Variants in INPP4A observed in about 807,000 individuals in gnomAD.
The protein encoded by INPP4A is inositol polyphosphate-4-phosphatase type I A.
In INPP4A, 33 loss-of-function variants were observed where a neutral mutation model predicts 119.8. That is an observed-to-expected ratio of 0.28 (90% CI 0.21 to 0.37). The LOEUF (loss-of-function observed/expected upper bound fraction) is 0.37, where lower values mean the gene tolerates loss of function less well. INPP4A is among the 10% of genes least tolerant of loss of function. The pLI, the probability that INPP4A is intolerant of heterozygous loss-of-function variation, is 1.00. For missense variants in INPP4A, 956 were observed against 1,289.9 expected (o/e 0.74, Z 3.97); for synonymous variants, 496 against 500.7 (o/e 0.99, Z 0.12).
At chr2:98,474,913 TTAAAGA>T (rs1388321657) in intron 1 of INPP4A, among the ~76,000 whole-genome samples, 1 of 152,134 alleles carries the variant, frequency 6.6e-6, no homozygotes, top group Non-Finnish European at 1.5e-5. Context: ...CTCAGCTTTG[TTAAAGA>T]TGAAGAGTTA....
At chr2:98,523,439 G>A (rs1687612743) in intron 4 of INPP4A, among the ~76,000 whole-genome samples, 2 of 151,308 alleles carry the variant, frequency 1.3e-5, no homozygotes, top group Non-Finnish European at 2.9e-5. Flanking sequence ...CTGTCTCCCG[G>A]GGTGGAGTGC....
chr2:98,561,813 A>G (rs1481518508), intron 17 of INPP4A, among the ~76,000 whole-genome samples: 1 of 152,268 alleles, frequency 6.6e-6, no homozygotes, highest in Non-Finnish European at 1.5e-5. Flanking sequence ...TTAGAGAAGG[A>G]TAGTCTTAAA....
rs974660586 is a variant in INPP4A at position 98,591,243 on chromosome 2, C to T, written c.*3635C>T. The T allele has an allele frequency of 1.7e-5, 3 of 171,560 alleles. No homozygotes were observed. Among genetic ancestry groups the T allele is most frequent in the Non-Finnish European group, 2.5e-5 (2 of 79,378 alleles). 10.6% of individuals were successfully genotyped at this position (171,560 alleles called of 1,614,324 possible). ...TGGTGGTGTGGCTGCGTGCCCACGACGAGGGGCTGGACTAAAGTGCTCACT... is the reference window on the plus strand; with the variant it reads ...TGGTGGTGTGGCTGCGTGCCCACGATGAGGGGCTGGACTAAAGTGCTCACT... On this transcript the variant is annotated 3_prime_UTR_variant, in exon 25 of 25. Transcript: ENST00000409851.
intron 1 of INPP4A, among the ~76,000 whole-genome samples, chr2:98,491,327 A>C (rs759612739): frequency 9.2e-5 from 14 of 152,216 alleles, no homozygotes; most frequent in Non-Finnish European, 1.9e-4. Context: ...ACGCAGCGCC[A>C]CGTAGGGCCT....
intron 21 of INPP4A, among the ~76,000 whole-genome samples, chr2:98,567,573 G>A (rs116316604): frequency 6.6e-6 from 1 of 152,204 alleles, no homozygotes; most frequent in Non-Finnish European, 1.5e-5. Flanking sequence ...AGACTTGCAG[G>A]AGCAGTTTCT....
Position 98,520,059 on chromosome 2 carries a change from G to T in INPP4A, c.11G>T (p.Arg4Ile). The change falls in exon 3 of 25, where the codon AGA becomes ATA. Residue 4 changes from arginine (R) to isoleucine (I), a missense_variant. This residue lies in a region of INPP4A where 652 missense variants were observed against 797.9 expected (regional missense o/e 0.82). Transcript: ENST00000409851. Reference protein sequence around the residue: MTAREHSPRHGARA... With the variant: MTAIEHSPRHGARA... ...ATCACCAATGACATCATGACAGCAA[G>T]AGAGCACAGCCCTCGCCATGGTGCC... The T allele has an allele frequency of 6.3e-7, 1 of 1,582,958 alleles. No individual in the cohort carries two copies. The highest frequency in any genetic ancestry group is 2.3e-5 in the East Asian group (1 of 43,354).
chr2:98,529,316 A>C (rs906487847), intron 4 of INPP4A, among the ~76,000 whole-genome samples: 1 of 152,190 alleles, frequency 6.6e-6, no homozygotes, highest in Non-Finnish European at 1.5e-5. Context: ...TATAGATAGA[A>C]AGTAGATCAG....
In INPP4A at chr2:98,569,203, G is replaced by A. The variant is rs2106392053; in HGVS notation, c.2518+535G>A. 1 of 155,872 alleles carries A rather than the reference G, an allele frequency of 6.4e-6. No homozygotes were observed. The highest frequency in any genetic ancestry group is 6.3e-5 in the Admixed American group (1 of 15,922). 9.7% of individuals were successfully genotyped at this position (155,872 alleles called of 1,614,324 possible). On this transcript the variant is annotated intron_variant, in intron 22 of 24. Transcript: ENST00000409851. The surrounding 1 kb of genome is among the most constrained non-coding windows in gnomAD (Gnocchi z 5.1). ...CTCTGCAGCCACAGAACTAAGGGAG[G>A]AACCGAGAGCTGCACAGCACTGTCT... is the stretch of plus-strand genomic sequence containing the variant.
At position 98,569,121 on chromosome 2, in the gene INPP4A, GGA is replaced by G. The variant is rs1329266127; in HGVS notation, c.2518+456_2518+457del. 2 of 165,110 alleles carry G rather than the reference GGA, an allele frequency of 1.2e-5. No homozygotes were observed. Among genetic ancestry groups the G allele is most frequent in the African/African-American group, 4.8e-5 (2 of 41,836 alleles). The allele number at this position is 165,110 out of a possible 1,614,324, so 10.2% of individuals were successfully genotyped here. On this transcript the variant is annotated intron_variant, in intron 22 of 24. Transcript: ENST00000409851. This position sits in a 1 kb window ranked among gnomAD's most constrained non-coding sequence, Gnocchi z 5.1. ...CATCTCGGCATCTCCTGGAGGCAGT[GGA>G]GATGGTGACAGTAATCTCTCTGCGT...
chr2:98,567,536 C>T (rs111869922), intron 21 of INPP4A, among the ~76,000 whole-genome samples: 5,271 of 152,232 alleles, frequency 0.035, 137 homozygotes, highest in Non-Finnish European at 0.054. Flanking sequence ...AATGATGGTG[C>T]CTGCATCCAG....
chr2:98,527,026 C>A (rs1330709628), intron 4 of INPP4A, among the ~76,000 whole-genome samples: 3 of 152,172 alleles, frequency 2.0e-5, no homozygotes, highest in Non-Finnish European at 4.4e-5. Flanking sequence ...CTGGGGATTA[C>A]CTTTCAGCAT....
intron 24 of INPP4A, among the ~76,000 whole-genome samples, chr2:98,583,085 A>G (rs1414563420): frequency 6.6e-6 from 1 of 152,252 alleles, no homozygotes. Flanking sequence ...AGACACAGAA[A>G]GATCACCTAC....
At chr2:98,587,434 CT>C (rs2106568447) in intron 24 of INPP4A, 41 bp from the exon 25 acceptor site, 1 of 1,507,054 alleles carries the variant, frequency 6.6e-7, no homozygotes, top group Admixed American at 2.6e-5. Context: ...TTCTTTTTTC[CT>C]TTTTTACTGC....
intron 1 of INPP4A, among the ~76,000 whole-genome samples, chr2:98,478,842 A>G (rs1677803006): frequency 6.6e-6 from 1 of 152,108 alleles, no homozygotes; most frequent in Non-Finnish European, 1.5e-5. Flanking sequence ...TGGTGGTGCT[A>G]TTTTTCTGTT....
chr2:98,533,060 C>T (rs777184562), intron 4 of INPP4A, among the ~76,000 whole-genome samples: 10 of 152,164 alleles, frequency 6.6e-5, no homozygotes, highest in Non-Finnish European at 1.2e-4. Flanking sequence ...GAATAGTTAC[C>T]GAGGTCGGAC....
chr2:98,564,463 G>A (rs185993510), intron 18 of INPP4A, among the ~76,000 whole-genome samples, 177 bp from the exon 19 acceptor site: 61 of 152,300 alleles, frequency 4.0e-4, no homozygotes, highest in African/African-American at 1.3e-3. Flanking sequence ...ACTGTTGGGC[G>A]TCTTCCCATG....
chr2:98,515,880 A>G (rs1448571764), intron 1 of INPP4A, among the ~76,000 whole-genome samples: 2 of 152,056 alleles, frequency 1.3e-5, no homozygotes, highest in Non-Finnish European at 2.9e-5. Context: ...AAGGGACATC[A>G]TGGGAAGTGG....
At chr2:98,455,670 G>C (rs762483647) in intron 1 of INPP4A, among the ~76,000 whole-genome samples, 5 of 152,160 alleles carry the variant, frequency 3.3e-5, no homozygotes, top group Non-Finnish European at 1.5e-5. Flanking sequence ...GTGAAGTGTG[G>C]TATGTTCTTG....
rs1407836401 is a variant in INPP4A at position 98,594,331 on chromosome 2, C to T, written c.*6723C>T. 6.6e-6 allele frequency: 1 copy of T among 152,198 alleles called. No homozygotes were observed. Among genetic ancestry groups the T allele is most frequent in the Non-Finnish European group, 1.5e-5 (1 of 68,036 alleles). The allele number at this position is 152,198 out of a possible 1,614,324, so 9.4% of individuals were successfully genotyped here. The stretch of plus-strand genomic sequence containing the variant: ...GATTACTTTGTTCTTAACATACGAA[C>T]ATCCTATTCACTTTTTGGTATACTG... On this transcript the variant is annotated 3_prime_UTR_variant, in exon 25 of 25. Transcript: ENST00000409851.
Sources: allele counts gnomAD v4.1 joint callset (sites outside exome capture counted in the v4.1 genomes callset), GRCh38; gene constraint gnomAD v4.1.1; regional missense constraint gnomAD v4.1.1; non-coding constraint Gnocchi (gnomAD v3.1); transcripts MANE v1.5; gene names NCBI Gene and HGNC (gene_info 2026-07-23, HGNC 2026-07-21).